The following NLRP2 variants were observed in gnomAD, a reference collection of about 807,000 sequenced individuals.
NLRP2 encodes the protein NLR family pyrin domain containing 2.
In NLRP2, 107 loss-of-function variants were observed where a neutral mutation model predicts 97.2. The ratio of observed to expected loss-of-function variants is 1.10; its 90% CI spans 0.94 to 1.29. NLRP2 has a LOEUF of 1.29. Ranked by LOEUF, NLRP2 falls within the 50% of genes most tolerant of loss-of-function variation. The pLI is 0.00. For synonymous variants in NLRP2, 663 were observed against 551.5 expected, an observed-to-expected ratio of 1.20 and a Z score of -2.83; for missense variants, 1,495 against 1,330.3, an observed-to-expected ratio of 1.12 and a Z score of -1.93.
At chr19:54,969,074 C>T (rs1490370956) in intron 1 of NLRP2, among the ~76,000 whole-genome samples, 2 of 152,124 alleles carry the variant, frequency 1.3e-5, no homozygotes, top group African/African-American at 4.8e-5. Flanking sequence ...CGTAGCTCCC[C>T]ACTTCCTTAT....
At chr19:54,969,377 C>A (rs530469356) in intron 1 of NLRP2, among the ~76,000 whole-genome samples, 15 of 150,724 alleles carry the variant, frequency 1.0e-4, no homozygotes, top group Non-Finnish European at 1.9e-4. Context: ...ACTTGGGAGG[C>A]TGAGGCAGGA....
intron 1 of NLRP2, among the ~76,000 whole-genome samples, chr19:54,967,730 GT>G (rs1375996772): frequency 6.6e-6 from 1 of 151,972 alleles, no homozygotes; most frequent in East Asian, 1.9e-4. Context: ...TGTCTAATGA[GT>G]CCTCTTAACA....
Position 54,968,713 on chromosome 19 carries a change from T to TTTTTTTTTTTG in NLRP2, c.-17-1286_-17-1285insTTTTTTTTTTG, listed in dbSNP as rs1454134577. ...GTTATCTTTAAGCCTTTTTTTTTTT[T>TTTTTTTTTTTG]GAGACAGTTTCACTCTTGTCGCCCC... On this transcript the variant is annotated intron_variant, in intron 1 of 12. Transcript: ENST00000448584. Among the ~76,000 whole-genome samples the TTTTTTTTTTTG allele has an allele frequency of 5.3e-4, 72 of 135,756 alleles. 1 individual carries two copies. The highest frequency in any genetic ancestry group is 8.2e-3 in the Middle Eastern group (2 of 244). 89.1% of individuals were successfully genotyped at this position (135,756 alleles called of 152,430 possible).
chr19:54,984,914 G>A, intron 6 of NLRP2, 133 bp from the exon 7 acceptor site: 1 of 825,554 alleles, frequency 1.2e-6, no homozygotes. Flanking sequence ...TCTGATGGTG[G>A]TGCTAATAAG....
In NLRP2 at chr19:54,984,329, G is replaced by GTGTTTTTTTTTTTGT; in HGVS notation, c.2030+602_2030+603insGTTTTTTTTTTTGTT. On this transcript the variant is annotated intron_variant, in intron 6 of 12. Coordinates refer to ENST00000448584, the MANE Select transcript of NLRP2 (RefSeq NM_017852.5). ...AACTTAAGTGGGGGTTTTTTTTTGT[G>GTGTTTTTTTTTTTGT]TTTTTTTTTTTTTTTTTTTTTTTGG... Among the ~76,000 whole-genome samples, 7 of 79,670 alleles carry GTGTTTTTTTTTTTGT rather than the reference G, an allele frequency of 8.8e-5. 1 individual carries two copies. Among genetic ancestry groups the GTGTTTTTTTTTTTGT allele is most frequent in the African/African-American group, 3.2e-4 (7 of 21,610 alleles). The allele number at this position is 79,670 out of a possible 152,430, so 52.3% of individuals were successfully genotyped here.
chr19:54,981,511 C>CCCCCCCCCCCCCCCCCCCCT lies in NLRP2; in HGVS notation c.398-101_398-100insCCCCCCCCCCCCCCTCCCCC. 2 of 265,228 alleles carry CCCCCCCCCCCCCCCCCCCCT rather than the reference C, an allele frequency of 7.5e-6. 1 individual carries two copies. Among genetic ancestry groups the CCCCCCCCCCCCCCCCCCCCT allele is most frequent in the Non-Finnish European group, 1.7e-5 (2 of 120,986 alleles). 16.4% of individuals were successfully genotyped at this position (265,228 alleles called of 1,614,324 possible). On this transcript the variant is annotated intron_variant, in intron 4 of 12. Transcript: ENST00000448584. ...TTATTTGCTTTATCTGATCCCGTGC[C>CCCCCCCCCCCCCCCCCCCCT]CCCCCTCCCCCCCGCCCCATCAGCC... is the stretch of plus-strand genomic sequence containing the variant.
chr19:54,977,543 T>G (rs2071319966), intron 3 of NLRP2, among the ~76,000 whole-genome samples: 1 of 150,210 alleles, frequency 6.7e-6, no homozygotes, highest in Non-Finnish European at 1.5e-5. Flanking sequence ...CCATGTGTTC[T>G]GAACTACTTA....
Position 54,994,323 on chromosome 19 carries a change from C to G in NLRP2, c.2763C>G (p.Leu921=), listed in dbSNP as rs766986052. ...SDGCCDLTKL[L]QEKSSLLCLD... ...GCTGCTGCGATCTCACAAAGCTTCTCCAAGAAAAATCAAGCCTGTTGTGTT... is the reference window on the plus strand; with the variant it reads ...GCTGCTGCGATCTCACAAAGCTTCTGCAAGAAAAATCAAGCCTGTTGTGTT... Residue 921 remains leucine (L), a synonymous_variant, in exon 11 of 13, where the codon CTC becomes CTG. Coordinates refer to ENST00000448584, the MANE Select transcript of NLRP2 (RefSeq NM_017852.5). The G allele has an allele frequency of 6.2e-7, 1 of 1,614,128 alleles. No individual in the cohort carries two copies. Among genetic ancestry groups the G allele is most frequent in the South Asian group, 1.1e-5 (1 of 91,076 alleles).
chr19:54,986,065 T>C (rs2072052912), intron 7 of NLRP2, 86 bp from the exon 8 acceptor site: 1 of 903,996 alleles, frequency 1.1e-6, no homozygotes, highest in Non-Finnish European at 1.8e-6. Context: ...GTTCCTAAAG[T>C]TTAAATATAT....
intron 2 of NLRP2, among the ~76,000 whole-genome samples, chr19:54,973,445 G>T (rs1316838011): frequency 6.9e-6 from 1 of 145,656 alleles, no homozygotes; most frequent in Non-Finnish European, 1.5e-5. Context: ...GCGCGATCTC[G>T]GCTCACTGTG....
intron 1 of NLRP2, among the ~76,000 whole-genome samples, chr19:54,968,701 C>CTTTTTTTTTTTTTTTT (rs61212213): frequency 0.13 from 13,988 of 111,520 alleles, 2,008 homozygotes; most frequent in East Asian, 0.17. Context: ...ATCTTTAAGC[C>CTTTTTTTTTTTTTTTT]TTTTTTTTTT....
intron 8 of NLRP2, among the ~76,000 whole-genome samples, chr19:54,989,152 T>G (rs2072292507): frequency 6.7e-6 from 1 of 149,658 alleles, no homozygotes; most frequent in African/African-American, 2.5e-5. Context: ...GAGCCGGGGT[T>G]TCACCATGTT....
rs1215931528 is a variant in NLRP2, at chr19:54,994,333, T to C, written c.2773T>C (p.Ser925Pro). Residue 925 changes from serine (S) to proline (P), a missense_variant, in exon 11 of 13, where the codon TCA (serine) becomes CCA (proline). Physicochemically the swap from Ser to Pro is moderately conservative, Grantham distance 74. Transcript: ENST00000448584. ...CDLTKLLQEK[S>P]SLLCLDLGLN... ...TCTCACAAAGCTTCTCCAAGAAAAATCAAGCCTGTTGTGTTTGGATCTGGG... is the reference window on the plus strand; with the variant it reads ...TCTCACAAAGCTTCTCCAAGAAAAACCAAGCCTGTTGTGTTTGGATCTGGG... 4.3e-6 allele frequency: 7 copies of C among 1,614,108 alleles called. No individual in the cohort carries two copies. The East Asian group carries it at 1.1e-4, about 26-fold the overall frequency.
chr19:54,998,522 G>GT (rs1160160380), intron 12 of NLRP2, among the ~76,000 whole-genome samples: 1 of 145,156 alleles, frequency 6.9e-6, no homozygotes, highest in East Asian at 2.0e-4. Context: ...GACACTAAGG[G>GT]TTTTTTTAAG....
At chr19:54,968,996 C>G (rs190605980) in intron 1 of NLRP2, among the ~76,000 whole-genome samples, 1 of 152,074 alleles carries the variant, frequency 6.6e-6, no homozygotes, top group East Asian at 1.9e-4. Context: ...CCACCGCGCC[C>G]GGCTGTGTGT....
At chr19:54,986,366 C>T (rs769353343) in intron 8 of NLRP2, 51 bp downstream of exon 8, 3 of 1,520,716 alleles carry the variant, frequency 2.0e-6, no homozygotes, top group South Asian at 1.1e-5. Flanking sequence ...TAAGCTACCA[C>T]AAGCTTATGT....
intron 3 of NLRP2, among the ~76,000 whole-genome samples, chr19:54,976,105 G>A (rs1348776677): frequency 1.3e-5 from 2 of 151,714 alleles, no homozygotes; most frequent in Non-Finnish European, 2.9e-5. Flanking sequence ...ATGGAATGCA[G>A]TGGCATGATC....
Position 54,977,757 on chromosome 19 carries a change from A to T in NLRP2, c.331A>T (p.Thr111Ser), listed in dbSNP as rs1053413016. ...ATGCCGCCCTTTTTCTCCAGGGATA[A>T]CACGGAAAGAACGACCACCTCTAGA... ...NKRKPLSLGI[T>S]RKERPPLDVD... Residue 111 changes from threonine to serine, a missense_variant, in exon 4 of 13, where the codon ACA becomes TCA. Coordinates refer to ENST00000448584, the MANE Select transcript of NLRP2 (RefSeq NM_017852.5). 5 of 1,613,670 alleles carry T rather than the reference A, an allele frequency of 3.1e-6. No homozygotes were observed. The highest frequency in any genetic ancestry group is 4.2e-6 in the Non-Finnish European group (5 of 1,180,016).
chr19:54,995,297 TC>T (rs2072748714), intron 11 of NLRP2, among the ~76,000 whole-genome samples: 1 of 149,586 alleles, frequency 6.7e-6, no homozygotes, highest in South Asian at 2.1e-4. Context: ...TTCAAGTGAT[TC>T]TCCTGCCTTA....
Sources: allele counts gnomAD v4.1 joint callset (sites outside exome capture counted in the v4.1 genomes callset), GRCh38; gene constraint gnomAD v4.1.1; transcripts MANE v1.5; gene names NCBI Gene and HGNC (gene_info 2026-07-23, HGNC 2026-07-21).